Variants in ATE1 observed in about 807,000 individuals in gnomAD.
ATE1 encodes arginyl-tRNA--protein transferase 1.
In ATE1, 36 loss-of-function variants were observed where a neutral mutation model predicts 70.5. The ratio of observed to expected loss-of-function variants is 0.51; its 90% CI spans 0.39 to 0.67. The LOEUF is 0.67. Among genes scored for constraint, ATE1 ranks in the 30% least tolerant of loss-of-function variants. The pLI is 0.00. For missense variants in ATE1, 593 were observed against 629.5 expected (o/e 0.94, Z 0.62); for synonymous variants, 232 against 219.3 (o/e 1.06, Z -0.51).
At chr10:121,922,322 CCT>C in intron 3 of ATE1, 25 bp downstream of exon 3, 2 of 1,474,660 alleles carry the variant, frequency 1.4e-6, no homozygotes, top group Non-Finnish European at 1.9e-6. Context: ...TACTATAAAT[CCT>C]CTTTCTACTA....
intron 11 of ATE1, among the ~76,000 whole-genome samples, chr10:121,787,425 T>G (rs1946259994): frequency 6.6e-6 from 1 of 152,226 alleles, no homozygotes; most frequent in Non-Finnish European, 1.5e-5. Context: ...CATTCCAGCA[T>G]GTAACTGCAT....
At chr10:121,802,023 C>T (rs1946902188) in intron 10 of ATE1, among the ~76,000 whole-genome samples, 1 of 151,788 alleles carries the variant, frequency 6.6e-6, no homozygotes. Context: ...CATGAATGCT[C>T]TTAAATGAGT....
chr10:121,809,244 C>T (rs1052048659), intron 10 of ATE1, among the ~76,000 whole-genome samples: 4 of 151,928 alleles, frequency 2.6e-5, no homozygotes, highest in East Asian at 1.9e-4. Context: ...TTGCTACATT[C>T]GTTTTGAGAA....
chr10:121,828,430 T>C (rs1341275808), intron 10 of ATE1, among the ~76,000 whole-genome samples: 1 of 152,176 alleles, frequency 6.6e-6, no homozygotes, highest in African/African-American at 2.4e-5. Flanking sequence ...TCGAGCTCAG[T>C]CACGCAGGTG....
chr10:121,834,663 A>G (rs1233060631), intron 10 of ATE1, among the ~76,000 whole-genome samples: 1 of 152,160 alleles, frequency 6.6e-6, no homozygotes, highest in Non-Finnish European at 1.5e-5. Flanking sequence ...ATCTTCATGA[A>G]GAGGAAAAGG....
intron 11 of ATE1, among the ~76,000 whole-genome samples, chr10:121,782,206 A>G (rs1946022550): frequency 6.6e-6 from 1 of 152,228 alleles, no homozygotes; most frequent in African/African-American, 2.4e-5. Flanking sequence ...ATTGTATTGA[A>G]TATCAAATTA....
At chr10:121,753,496 G>C (rs554465683) in intron 11 of ATE1, among the ~76,000 whole-genome samples, 2 of 152,182 alleles carry the variant, frequency 1.3e-5, no homozygotes, top group African/African-American at 4.8e-5. Context: ...TGATATTATG[G>C]TCATTTGGTA....
At chr10:121,744,848 G>C (rs1458614200) in intron 11 of ATE1, among the ~76,000 whole-genome samples, 1 of 152,180 alleles carries the variant, frequency 6.6e-6, no homozygotes, top group Non-Finnish European at 1.5e-5. Flanking sequence ...GGATACAAGT[G>C]GAAGTGTTTT....
At chr10:121,888,877 C>T (rs1950492758) in intron 7 of ATE1, among the ~76,000 whole-genome samples, 1 of 152,182 alleles carries the variant, frequency 6.6e-6, no homozygotes, top group Non-Finnish European at 1.5e-5. Flanking sequence ...TGAAACCACA[C>T]TCAAAAGAGT....
chr10:121,818,712 CT>C (rs1194096642), intron 10 of ATE1, among the ~76,000 whole-genome samples: 5 of 152,200 alleles, frequency 3.3e-5, no homozygotes, highest in African/African-American at 1.2e-4. Flanking sequence ...AGGCAGGGAG[CT>C]TTAAGATCTA....
chr10:121,753,071 AT>A (rs1331810136), intron 11 of ATE1, among the ~76,000 whole-genome samples: 1 of 152,206 alleles, frequency 6.6e-6, no homozygotes, highest in Non-Finnish European at 1.5e-5. Flanking sequence ...GCTCTGTTAA[AT>A]TTATTCCTAA....
chr10:121,844,413 G>C (rs75146848), intron 8 of ATE1, among the ~76,000 whole-genome samples: 2 of 152,282 alleles, frequency 1.3e-5, no homozygotes, highest in Non-Finnish European at 2.9e-5. Flanking sequence ...AAAACTACTA[G>C]AATGGCTGAA....
chr10:121,870,096 C>T, intron 7 of ATE1, 58 bp from the exon 8 acceptor site: 1 of 1,523,976 alleles, frequency 6.6e-7, no homozygotes, highest in Non-Finnish European at 9.0e-7. Context: ...CAAAAAGGAA[C>T]ACAGAGAAAA....
intron 10 of ATE1, among the ~76,000 whole-genome samples, chr10:121,824,055 C>G (rs1947909198): frequency 6.6e-6 from 1 of 152,174 alleles, no homozygotes. Context: ...AAATTCCCCA[C>G]ATGTGACAGT....
chr10:121,793,658 T>C (rs1306013492), intron 10 of ATE1, among the ~76,000 whole-genome samples: 1 of 152,248 alleles, frequency 6.6e-6, no homozygotes, highest in African/African-American at 2.4e-5. Context: ...TGGCCCATTT[T>C]ATTGTTAAAT....
At chr10:121,766,634 CT>C (rs1945289523) in intron 11 of ATE1, among the ~76,000 whole-genome samples, 1 of 152,036 alleles carries the variant, frequency 6.6e-6, no homozygotes, top group African/African-American at 2.4e-5. Context: ...TTTTGGCTCC[CT>C]CTAGCCAAAG....
At chr10:121,819,208 G>A (rs1030491616) in intron 10 of ATE1, among the ~76,000 whole-genome samples, 2 of 152,132 alleles carry the variant, frequency 1.3e-5, no homozygotes, top group Non-Finnish European at 2.9e-5. Context: ...ATAAATCAAC[G>A]AATATCATTC....
chr10:121,801,945 A>C (rs1273609402), intron 10 of ATE1, among the ~76,000 whole-genome samples: 2 of 152,092 alleles, frequency 1.3e-5, no homozygotes, highest in Non-Finnish European at 2.9e-5. Flanking sequence ...AAAAAAAAAA[A>C]ACATGGGCCT....
intron 10 of ATE1, among the ~76,000 whole-genome samples, chr10:121,801,820 T>C (rs1946891341): frequency 6.6e-6 from 1 of 152,066 alleles, no homozygotes; most frequent in Non-Finnish European, 1.5e-5. Context: ...TTTGAATTCA[T>C]CCATCCTCCT....
Sources: gnomAD v4.1 joint callset for allele counts (sites outside exome capture counted in the v4.1 genomes callset) on GRCh38, gnomAD v4.1.1 for gene constraint, MANE v1.5 for transcripts, NCBI Gene and HGNC (gene_info 2026-07-23, HGNC 2026-07-21) for gene names.